Variants in TMPRSS11A observed in about 807,000 individuals in gnomAD.
The protein encoded by TMPRSS11A is transmembrane protease serine 11A.
Under a neutral mutation model 58.9 loss-of-function variants are expected in TMPRSS11A, and 53 were observed. The observed-to-expected ratio is 0.90, with a 90% CI of 0.72 to 1.13. The LOEUF is 1.13. Ranked by LOEUF, TMPRSS11A falls within the 50% of genes most tolerant of loss-of-function variation. The pLI is 0.00. For missense variants in TMPRSS11A, 493 were observed against 499.3 expected (o/e 0.99, Z 0.12); for synonymous variants, 167 against 169.8 (o/e 0.98, Z 0.13).
chr4:67,941,807 G>GT (rs1186798270), intron 3 of TMPRSS11A, among the ~76,000 whole-genome samples: 1 of 152,152 alleles, frequency 6.6e-6, no homozygotes, highest in Non-Finnish European at 1.5e-5. Flanking sequence ...ATATTTTTAT[G>GT]TCTTAGAAGG....
intron 2 of TMPRSS11A, 62 bp from the exon 3 acceptor site, chr4:67,944,699 A>C (rs1720960750): frequency 1.4e-6 from 2 of 1,416,220 alleles, no homozygotes; most frequent in Admixed American, 3.9e-5. Flanking sequence ...GAACTCAATT[A>C]CAATGGGGCC....
chr4:67,918,880 G>A, intron 8 of TMPRSS11A, 93 bp downstream of exon 8: 1 of 1,415,050 alleles, frequency 7.1e-7, no homozygotes, highest in Non-Finnish European at 9.8e-7. Flanking sequence ...ACCAGACTGT[G>A]TGGAAATGGC....
At chr4:67,936,344 T>TTG (rs1165436973) in intron 3 of TMPRSS11A, among the ~76,000 whole-genome samples, 1 of 151,804 alleles carries the variant, frequency 6.6e-6, no homozygotes, top group African/African-American at 2.4e-5. Flanking sequence ...GTTTTTTTTT[T>TTG]TTTTGGATCC....
intron 3 of TMPRSS11A, among the ~76,000 whole-genome samples, chr4:67,942,287 C>T (rs1163050970): frequency 2.0e-5 from 3 of 152,138 alleles, no homozygotes; most frequent in African/African-American, 4.8e-5. Flanking sequence ...AACTCCCAAA[C>T]CGATGATAGA....
At chr4:67,945,651 TAG>T (rs1418334363) in intron 2 of TMPRSS11A, among the ~76,000 whole-genome samples, 3 of 152,200 alleles carry the variant, frequency 2.0e-5, no homozygotes, top group African/African-American at 7.2e-5. Flanking sequence ...AGGCTCCAAG[TAG>T]AGTCTTTGCT....
At chr4:67,958,783 A>G (rs4290937) in intron 1 of TMPRSS11A, among the ~76,000 whole-genome samples, 27,691 of 151,990 alleles carry the variant, frequency 0.18, 3,109 homozygotes, top group East Asian at 0.44. Flanking sequence ...CCCCACCCAA[A>G]TCTCATCTTG....
intron 1 of TMPRSS11A, among the ~76,000 whole-genome samples, chr4:67,948,878 G>A (rs1394559036): frequency 6.6e-6 from 1 of 151,904 alleles, no homozygotes; most frequent in African/African-American, 2.4e-5. Context: ...CAGTATAATA[G>A]AACTACTAGT....
chr4:67,925,562 A>G (rs535265448), intron 5 of TMPRSS11A, among the ~76,000 whole-genome samples: 1 of 152,228 alleles, frequency 6.6e-6, no homozygotes, highest in African/African-American at 2.4e-5. Context: ...AAAATATTCA[A>G]TTCAAATATA....
intron 1 of TMPRSS11A, among the ~76,000 whole-genome samples, chr4:67,948,777 T>C (rs770130801): frequency 2.0e-5 from 3 of 152,196 alleles, no homozygotes; most frequent in Non-Finnish European, 2.9e-5. Context: ...CATACATTTA[T>C]AAGTGAAGGA....
At chr4:67,953,580 T>C (rs973186357) in intron 1 of TMPRSS11A, among the ~76,000 whole-genome samples, 3 of 152,082 alleles carry the variant, frequency 2.0e-5, no homozygotes, top group African/African-American at 4.8e-5. Context: ...GGGCAGATCA[T>C]GTGAGGTTGG....
intron 5 of TMPRSS11A, among the ~76,000 whole-genome samples, chr4:67,927,506 C>T (rs1210802878): frequency 6.6e-6 from 1 of 152,252 alleles, no homozygotes; most frequent in Non-Finnish European, 1.5e-5. Context: ...TGGCCAGACC[C>T]TGTGCTCGCT....
intron 8 of TMPRSS11A, among the ~76,000 whole-genome samples, chr4:67,916,542 T>C (rs1720151970): frequency 1.3e-5 from 2 of 152,008 alleles, no homozygotes; most frequent in South Asian, 4.2e-4. Flanking sequence ...AAAACATTCA[T>C]GGCCTGGCGC....
rs1218091955 is a variant in TMPRSS11A at position 67,922,911 on chromosome 4, A to C, written c.536T>G (p.Val179Gly). ...TATTCTGTTGACGTTTAATGGAACA[A>C]CTCGTTTACCACAACCTGAAAAAAG... ...LTVQASCGKR[V>G]VPLNVNRIAS... The change falls in exon 7 of 10, where the codon GTT (valine) becomes GGT (glycine). Residue 179 changes from valine to glycine, a missense_variant. By Grantham distance (109) the Val-to-Gly change is moderately radical. Coordinates refer to ENST00000508048, the MANE Select transcript of TMPRSS11A (RefSeq NM_001114387.2). The C allele has an allele frequency of 1.2e-5, 19 of 1,613,940 alleles. No homozygotes were observed. The highest frequency in any genetic ancestry group is 1.5e-5 in the Non-Finnish European group (18 of 1,179,942).
At position 67,911,118 on chromosome 4, in the gene TMPRSS11A, G is replaced by A. The variant is rs771043385; in HGVS notation, c.*224C>T. On this transcript the variant is annotated 3_prime_UTR_variant, in exon 10 of 10. Coordinates refer to ENST00000508048, the MANE Select transcript of TMPRSS11A (RefSeq NM_001114387.2). ...ATTTAAAGAGCTAAGTATCTCTACC[G>A]TATTTTTCAAGCCAGATCCATTACT... is the stretch of plus-strand genomic sequence containing the variant. The A allele has an allele frequency of 3.5e-5, 14 of 398,780 alleles. No homozygotes were observed. Among genetic ancestry groups the A allele is most frequent in the South Asian group, 2.8e-4 (4 of 14,370 alleles). 24.7% of individuals were successfully genotyped at this position (398,780 alleles called of 1,614,324 possible).
At position 67,963,457 on chromosome 4, in the gene TMPRSS11A, A is replaced by C; in HGVS notation, c.-64T>G. The stretch of plus-strand genomic sequence containing the variant: ...ACTGAACTCAACTTTCTAATCAACT[A>C]TATGACATCTCTAGATGTATTAGAA... On this transcript the variant is annotated 5_prime_UTR_variant, in exon 1 of 10. It introduces an in-frame stop codon into an upstream open reading frame of the 5' UTR. Transcript: ENST00000508048. 1 of 1,552,720 alleles carries C rather than the reference A, an allele frequency of 6.4e-7. No individual in the cohort carries two copies. Among genetic ancestry groups the C allele is most frequent in the Non-Finnish European group, 8.9e-7 (1 of 1,128,104 alleles).
intron 1 of TMPRSS11A, among the ~76,000 whole-genome samples, chr4:67,957,495 A>G (rs1721315457): frequency 6.6e-6 from 1 of 152,174 alleles, no homozygotes; most frequent in African/African-American, 2.4e-5. Flanking sequence ...GCCCTACCCT[A>G]GAGATTTGTG....
At chr4:67,947,091 T>G (rs1218813730) in intron 1 of TMPRSS11A, among the ~76,000 whole-genome samples, 3 of 152,170 alleles carry the variant, frequency 2.0e-5, no homozygotes, top group Non-Finnish European at 4.4e-5. Flanking sequence ...TTTACTGTAT[T>G]TGGCTCATTT....
intron 9 of TMPRSS11A, among the ~76,000 whole-genome samples, chr4:67,913,170 G>A (rs1294795049): frequency 6.6e-6 from 1 of 152,154 alleles, no homozygotes; most frequent in Non-Finnish European, 1.5e-5. Context: ...TTTGTGCTGG[G>A]TGGTGCTATG....
chr4:67,948,706 A>G (rs1161477313), intron 1 of TMPRSS11A, among the ~76,000 whole-genome samples: 1 of 152,208 alleles, frequency 6.6e-6, no homozygotes, highest in Non-Finnish European at 1.5e-5. Context: ...ATGCTTGAAT[A>G]GAACAACAAA....
Sources: gnomAD v4.1 joint callset for allele counts (sites outside exome capture counted in the v4.1 genomes callset) on GRCh38, gnomAD v4.1.1 for gene constraint, MANE v1.5 for transcripts, NCBI Gene and HGNC (gene_info 2026-07-23, HGNC 2026-07-21) for gene names.